CDH13: variants seen among roughly 807,000 people sequenced by gnomAD.
CDH13 encodes cadherin 13.
A neutral mutation model predicts 63.8 loss-of-function variants in CDH13; 24 were observed. The ratio of observed to expected loss-of-function variants is 0.38; its 90% CI spans 0.27 to 0.53. The LOEUF is 0.53. CDH13 is among the 20% of genes least tolerant of loss of function. The pLI is 0.85. For missense variants in CDH13, 1,049 were observed against 903.1 expected (o/e 1.16, Z -2.07); for synonymous variants, 503 against 355.3 (o/e 1.42, Z -4.67).
intron 1 of CDH13, among the ~76,000 whole-genome samples, chr16:82,747,997 G>C (rs2034253263): frequency 1.3e-5 from 2 of 152,192 alleles, no homozygotes; most frequent in South Asian, 2.1e-4. Context: ...TGAGGAAGTA[G>C]ATTCCATTTT....
Position 83,087,513 on chromosome 16 carries a change from C to T in CDH13, c.367-37872C>T, listed in dbSNP as rs138625244. Among the ~76,000 whole-genome samples, 41 of 151,890 alleles carry T rather than the reference C, an allele frequency of 2.7e-4. No homozygotes were observed. In the East Asian group the frequency reaches 7.0e-3, roughly 26 times the overall value. On this transcript the variant is annotated intron_variant, in intron 3 of 13. Coordinates refer to ENST00000567109, the MANE Select transcript of CDH13 (RefSeq NM_001257.5). ...CGAAACCCTGTGTCTACTAAAAATACAGAGATTAGCCAGGTGCGGTGGCAT... is the reference window on the plus strand; with the variant it reads ...CGAAACCCTGTGTCTACTAAAAATATAGAGATTAGCCAGGTGCGGTGGCAT...
chr16:83,546,269 A>G (rs1387695212), intron 7 of CDH13, among the ~76,000 whole-genome samples: 2 of 151,916 alleles, frequency 1.3e-5, no homozygotes, highest in African/African-American at 2.4e-5. Flanking sequence ...GGAGGGTGGC[A>G]CTCTTGGCAT....
chr16:83,345,609 C>G (rs147826933), intron 6 of CDH13, among the ~76,000 whole-genome samples: 6 of 152,322 alleles, frequency 3.9e-5, no homozygotes, highest in African/African-American at 1.4e-4. Flanking sequence ...CCATGTTTAA[C>G]CTTTCTATCA....
chr16:83,234,797 G>C (rs1390730904), intron 5 of CDH13, among the ~76,000 whole-genome samples: 2 of 152,208 alleles, frequency 1.3e-5, no homozygotes, highest in African/African-American at 4.8e-5. Flanking sequence ...CTGAGCTTAG[G>C]AAAGTGTCTG....
chr16:83,621,519 C>T (rs1258299271), intron 8 of CDH13, among the ~76,000 whole-genome samples: 1 of 85,306 alleles, frequency 1.2e-5, no homozygotes, highest in Non-Finnish European at 2.1e-5. Flanking sequence ...TGGAGTTTCA[C>T]TCTGTCACCC....
chr16:83,041,593 T>C (rs1461375445), intron 3 of CDH13, among the ~76,000 whole-genome samples: 1 of 152,212 alleles, frequency 6.6e-6, no homozygotes, highest in African/African-American at 2.4e-5. Flanking sequence ...TCAGGAATTA[T>C]TTGGTAAGTA....
chr16:82,945,549 C>T (rs1207087104), intron 2 of CDH13, among the ~76,000 whole-genome samples: 1 of 152,124 alleles, frequency 6.6e-6, no homozygotes, highest in Non-Finnish European at 1.5e-5. Context: ...CTTCTTAGGG[C>T]ATTTACTGTG....
At chr16:82,903,048 C>A (rs566027770) in intron 2 of CDH13, among the ~76,000 whole-genome samples, 3 of 152,292 alleles carry the variant, frequency 2.0e-5, no homozygotes, top group African/African-American at 7.2e-5. Flanking sequence ...TGAATCCTTA[C>A]AACAACTCTA....
chr16:83,559,594 A>G (rs766629911), intron 7 of CDH13, among the ~76,000 whole-genome samples: 32 of 151,542 alleles, frequency 2.1e-4, no homozygotes, highest in Non-Finnish European at 2.2e-4. Context: ...GAGAGAGAGA[A>G]AAGAAGGAAG....
At chr16:82,732,787 C>G (rs1376123541) in intron 1 of CDH13, among the ~76,000 whole-genome samples, 1 of 152,164 alleles carries the variant, frequency 6.6e-6, no homozygotes, top group African/African-American at 2.4e-5. Context: ...CACTGAGGAT[C>G]TGTTTAGTCA....
intron 10 of CDH13, among the ~76,000 whole-genome samples, chr16:83,742,423 A>G (rs1436756453): frequency 1.3e-5 from 2 of 152,054 alleles, no homozygotes; most frequent in South Asian, 2.1e-4. Context: ...TCAGCTTTTA[A>G]TTTGATTTTT....
chr16:83,130,945 G>T (rs2036016581), intron 4 of CDH13, among the ~76,000 whole-genome samples: 1 of 152,184 alleles, frequency 6.6e-6, no homozygotes, highest in Non-Finnish European at 1.5e-5. Flanking sequence ...ATATCCTGCT[G>T]TGTAGAACTG....
At chr16:83,218,636 C>T (rs1191874410) in intron 5 of CDH13, among the ~76,000 whole-genome samples, 1 of 152,166 alleles carries the variant, frequency 6.6e-6, no homozygotes, top group Non-Finnish European at 1.5e-5. Context: ...CTGTGCCCAT[C>T]ATGGGAGTCT....
At chr16:83,249,012 A>G (rs7206612) in intron 5 of CDH13, among the ~76,000 whole-genome samples, 150,691 of 152,314 alleles carry the variant, frequency 0.99, 74,566 homozygotes, top group Middle Eastern at 1. Context: ...TCTGTTTCTT[A>G]TACTCAGGGA....
At chr16:83,108,053 C>CCT (rs901326252) in intron 3 of CDH13, among the ~76,000 whole-genome samples, 105 of 152,268 alleles carry the variant, frequency 6.9e-4, no homozygotes, top group African/African-American at 2.5e-3. Context: ...GACTCCCTGA[C>CCT]CTCGTGATCC....
intron 5 of CDH13, among the ~76,000 whole-genome samples, chr16:83,223,520 T>G (rs1015900666): frequency 6.6e-6 from 1 of 152,198 alleles, no homozygotes; most frequent in East Asian, 1.9e-4. Flanking sequence ...CGCTGCTGGC[T>G]CTTCCTGCCA....
At chr16:83,000,770 A>T (rs924070611) in intron 2 of CDH13, among the ~76,000 whole-genome samples, 8 of 151,752 alleles carry the variant, frequency 5.3e-5, no homozygotes, top group African/African-American at 1.9e-4. Context: ...TAGTAGAGAC[A>T]GGGTTTCACC....
At chr16:82,711,261 G>A (rs1000880929) in intron 1 of CDH13, among the ~76,000 whole-genome samples, 3 of 152,168 alleles carry the variant, frequency 2.0e-5, no homozygotes, top group African/African-American at 7.2e-5. Context: ...TCTCACCAGT[G>A]AAGAGCCCTT....
intron 1 of CDH13, among the ~76,000 whole-genome samples, chr16:82,722,475 G>A (rs2032836942): frequency 6.6e-6 from 1 of 152,190 alleles, no homozygotes; most frequent in South Asian, 2.1e-4. Flanking sequence ...GATTTGCCCA[G>A]TTTGGGTCCC....
Sources: gnomAD v4.1 joint callset for allele counts (sites outside exome capture counted in the v4.1 genomes callset) on GRCh38, gnomAD v4.1.1 for gene constraint, MANE v1.5 for transcripts, NCBI Gene and HGNC (gene_info 2026-07-23, HGNC 2026-07-21) for gene names.